ARHGEF28: variants seen among roughly 807,000 people sequenced by gnomAD.
ARHGEF28 encodes the protein 190 kDa guanine nucleotide exchange factor.
In ARHGEF28, 152 loss-of-function variants were observed where a neutral mutation model predicts 206.6. The observed-to-expected ratio is 0.74, with a 90% CI of 0.64 to 0.84. The LOEUF is 0.84. ARHGEF28 is among the 40% of genes least tolerant of loss of function. ARHGEF28 has a pLI of 0.00. For missense variants in ARHGEF28, 2,028 were observed against 2,073.2 expected, an observed-to-expected ratio of 0.98 and a Z score of 0.42; for synonymous variants, 763 against 776.4, an observed-to-expected ratio of 0.98 and a Z score of 0.29.
chr5:73,630,338 A>G (rs779538271), intron 1 of ARHGEF28, among the ~76,000 whole-genome samples: 1 of 152,138 alleles, frequency 6.6e-6, no homozygotes, highest in South Asian at 2.1e-4. Flanking sequence ...TGGACTTTGG[A>G]GCCAGACTGT....
Position 73,835,426 on chromosome 5 carries a change from T to C in ARHGEF28, c.1146+2967T>C, listed in dbSNP as rs530605043. 1.1e-3 allele frequency among the ~76,000 whole-genome samples: 168 copies of C among 147,902 alleles called. 4 individuals carry two copies. The East Asian group carries it at 0.029, about 26-fold the overall frequency. On this transcript the variant is annotated intron_variant, in intron 10 of 35. Coordinates refer to ENST00000513042, the MANE Select transcript of ARHGEF28 (RefSeq NM_001177693.2). ...CGGAGCTTGCAGTGAGCCGAGATTG[T>C]GCCACTGCACTCCAGCCTGGGTGAC...
chr5:73,929,346 C>T (rs2112013722), intron 35 of ARHGEF28, among the ~76,000 whole-genome samples: 1 of 152,212 alleles, frequency 6.6e-6, no homozygotes, highest in South Asian at 2.1e-4. Flanking sequence ...TTTATTCATC[C>T]ATAAGCATTT....
chr5:73,813,561 C>G (rs550371796), intron 9 of ARHGEF28: 1 of 1,535,202 alleles, frequency 6.5e-7, no homozygotes, highest in Non-Finnish European at 8.7e-7. Context: ...TCTACTGTTT[C>G]ATCTGTTGAT....
chr5:73,813,123 G>A (rs190338461), intron 9 of ARHGEF28, among the ~76,000 whole-genome samples: 10 of 152,172 alleles, frequency 6.6e-5, no homozygotes, highest in Non-Finnish European at 1.2e-4. Flanking sequence ...ACACGGCACC[G>A]GGTAGCTCTT....
chr5:73,843,096 TAGTC>T (rs1758089909), intron 11 of ARHGEF28, among the ~76,000 whole-genome samples: 1 of 151,616 alleles, frequency 6.6e-6, no homozygotes, highest in African/African-American at 2.4e-5. Context: ...AGACACAAAA[TAGTC>T]TGTCTGTTTT....
At chr5:73,669,151 C>A (rs1746150614) in intron 1 of ARHGEF28, among the ~76,000 whole-genome samples, 2 of 152,094 alleles carry the variant, frequency 1.3e-5, no homozygotes, top group Non-Finnish European at 2.9e-5. Context: ...AATTCCAATT[C>A]ATTCTTAAAG....
At chr5:73,786,132 A>G (rs1316364189) in intron 7 of ARHGEF28, among the ~76,000 whole-genome samples, 1 of 151,986 alleles carries the variant, frequency 6.6e-6, no homozygotes, top group Non-Finnish European at 1.5e-5. Flanking sequence ...ATTTCACTCA[A>G]GCATTTGTTA....
intron 35 of ARHGEF28, among the ~76,000 whole-genome samples, chr5:73,925,234 C>T (rs553361951): frequency 1.1e-4 from 16 of 152,290 alleles, no homozygotes; most frequent in South Asian, 4.1e-4. Flanking sequence ...GCTTGCATCT[C>T]GATCTCTCAG....
intron 2 of ARHGEF28, among the ~76,000 whole-genome samples, chr5:73,707,220 T>C (rs757098256): frequency 2.6e-5 from 4 of 152,202 alleles, no homozygotes; most frequent in Non-Finnish European, 4.4e-5. Context: ...GTCCTGGCTC[T>C]TCCTGGCTGG....
At chr5:73,768,992 C>T (rs750334013) in intron 4 of ARHGEF28, among the ~76,000 whole-genome samples, 1 of 152,058 alleles carries the variant, frequency 6.6e-6, no homozygotes, top group Non-Finnish European at 1.5e-5. Context: ...CAAGCTCCCT[C>T]TTGCCGCTGC....
intron 2 of ARHGEF28, among the ~76,000 whole-genome samples, chr5:73,731,782 T>C (rs953168532): frequency 6.6e-6 from 1 of 152,158 alleles, no homozygotes; most frequent in Non-Finnish European, 1.5e-5. Context: ...TTGTTAGAAA[T>C]GGCATTTAAA....
At chr5:73,915,456 A>G (rs996752468) in intron 35 of ARHGEF28, among the ~76,000 whole-genome samples, 1 of 152,220 alleles carries the variant, frequency 6.6e-6, no homozygotes, top group Non-Finnish European at 1.5e-5. Context: ...TTAAATCCAA[A>G]TTGATATTTT....
At chr5:73,898,226 C>A in intron 30 of ARHGEF28, 133 bp downstream of exon 30, 1 of 1,124,510 alleles carries the variant, frequency 8.9e-7, no homozygotes, top group Non-Finnish European at 1.2e-6. Flanking sequence ...TAGAAAAAAA[C>A]TGAGAATAAA....
At position 73,846,463 on chromosome 5, in the gene ARHGEF28, T is replaced by C. The variant is rs760210371; in HGVS notation, c.1623T>C (p.Asn541=). ...CTGAATCCCTTCCTCTATCAAGTAA[T>C]CTACAGTCGAAGGTATTCTTATTGC... ...SRAESLPLSS[N]LQSKESLLSG... Residue 541 remains asparagine (N), a synonymous_variant, in exon 12 of 36, where the codon AAT becomes AAC. Coordinates refer to ENST00000513042, the MANE Select transcript of ARHGEF28 (RefSeq NM_001177693.2). 1 of 1,613,680 alleles carries C rather than the reference T, an allele frequency of 6.2e-7. No individual in the cohort carries two copies. Among genetic ancestry groups the C allele is most frequent in the South Asian group, 1.1e-5 (1 of 91,064 alleles).
intron 29 of ARHGEF28, among the ~76,000 whole-genome samples, chr5:73,897,703 CTTTTCCT>C (rs1279256984): frequency 6.6e-6 from 1 of 152,226 alleles, no homozygotes; most frequent in Non-Finnish European, 1.5e-5. Flanking sequence ...GATCTGCAAA[CTTTTCCT>C]ATAAAGGGCC....
At chr5:73,883,212 A>T (rs1761064287) in intron 23 of ARHGEF28, among the ~76,000 whole-genome samples, 1 of 152,060 alleles carries the variant, frequency 6.6e-6, no homozygotes, top group African/African-American at 2.4e-5. Flanking sequence ...TGTCTTATAA[A>T]GTTTCCTGGA....
At chr5:73,686,516 T>C (rs1184827642) in intron 2 of ARHGEF28, among the ~76,000 whole-genome samples, 1 of 151,270 alleles carries the variant, frequency 6.6e-6, no homozygotes, top group Non-Finnish European at 1.5e-5. Flanking sequence ...TTTCTTTTTC[T>C]TTTCTTTTTT....
At chr5:73,882,410 AT>A (rs1210203882) in intron 22 of ARHGEF28, 61 bp from the exon 23 acceptor site, 70 of 1,183,388 alleles carry the variant, frequency 5.9e-5, no homozygotes, top group East Asian at 8.9e-5. Context: ...AAAATTGCAT[AT>A]TTTTTGTGTG....
At chr5:73,794,135 A>G (rs1228542670) in intron 7 of ARHGEF28, among the ~76,000 whole-genome samples, 2 of 152,104 alleles carry the variant, frequency 1.3e-5, no homozygotes, top group Admixed American at 6.5e-5. Flanking sequence ...TTATTTATTT[A>G]ATGATAATTT....
Sources: gnomAD v4.1 joint callset for allele counts (sites outside exome capture counted in the v4.1 genomes callset) on GRCh38, gnomAD v4.1.1 for gene constraint, MANE v1.5 for transcripts, NCBI Gene and HGNC (gene_info 2026-07-23, HGNC 2026-07-21) for gene names.